Variants in CPA6 observed in about 807,000 individuals in gnomAD.
The protein encoded by CPA6 is carboxypeptidase B.
Under a neutral mutation model 63.3 loss-of-function variants are expected in CPA6, and 58 were observed. The observed-to-expected ratio is 0.92, with a 90% CI of 0.74 to 1.14. The LOEUF (loss-of-function observed/expected upper bound fraction) is 1.14, where lower values mean the gene tolerates loss of function less well. Among genes scored for constraint, CPA6 ranks in the 50% most tolerant of loss-of-function variants. The pLI, the probability that CPA6 is intolerant of heterozygous loss-of-function variation, is 0.00. For missense variants in CPA6, 565 were observed against 526.6 expected (o/e 1.07, Z -0.71); for synonymous variants, 185 against 179.0 (o/e 1.03, Z -0.27).
rs529444858 is a variant in CPA6, at chr8:67,730,422, CA to C, written c.116+15591del. ...CAACCTCGCAGTACTTCCATATGTT[CA>C]GCAACCTGGAAGCTCTCTGAATCCT... On this transcript the variant is annotated intron_variant, in intron 1 of 10. Coordinates refer to ENST00000297770, the MANE Select transcript of CPA6 (RefSeq NM_020361.5). 2.1e-3 allele frequency among the ~76,000 whole-genome samples: 326 copies of C among 152,326 alleles called. 2 individuals are homozygous for C. Among genetic ancestry groups the C allele is most frequent in the Middle Eastern group, 0.014 (4 of 294 alleles).
intron 2 of CPA6, among the ~76,000 whole-genome samples, chr8:67,592,136 T>G (rs969402215): frequency 6.6e-5 from 10 of 152,206 alleles, no homozygotes; most frequent in Non-Finnish European, 1.5e-4. Context: ...CTGCATCTAT[T>G]GAGATAATCA....
chr8:67,479,833 G>A (rs529347355), intron 8 of CPA6, among the ~76,000 whole-genome samples: 21 of 152,180 alleles, frequency 1.4e-4, no homozygotes, highest in Admixed American at 4.6e-4. Flanking sequence ...GGAACTCATC[G>A]TTTTAGAAAG....
chr8:67,551,573 T>C (rs1293041908), intron 2 of CPA6, among the ~76,000 whole-genome samples: 2 of 152,234 alleles, frequency 1.3e-5, no homozygotes, highest in Non-Finnish European at 1.5e-5. Context: ...CGTTGGCTGT[T>C]TGATAGGAAT....
At chr8:67,439,878 A>G (rs1321272226) in intron 8 of CPA6, among the ~76,000 whole-genome samples, 1 of 152,134 alleles carries the variant, frequency 6.6e-6, no homozygotes, top group East Asian at 1.9e-4. Context: ...CTTCCACCTT[A>G]GATTCCCAAA....
chr8:67,523,611 A>C (rs1193459068), intron 2 of CPA6, among the ~76,000 whole-genome samples: 1 of 152,206 alleles, frequency 6.6e-6, no homozygotes, highest in Non-Finnish European at 1.5e-5. Flanking sequence ...AATTCAAAAA[A>C]AATTCTTTGC....
intron 2 of CPA6, among the ~76,000 whole-genome samples, chr8:67,579,537 A>G (rs1373746102): frequency 6.6e-6 from 1 of 152,224 alleles, no homozygotes; most frequent in Non-Finnish European, 1.5e-5. Context: ...TACCAAACAC[A>G]TAGATTGTTC....
At chr8:67,488,081 C>T (rs1306526563) in intron 6 of CPA6, among the ~76,000 whole-genome samples, 2 of 152,178 alleles carry the variant, frequency 1.3e-5, no homozygotes, top group Admixed American at 1.3e-4. Flanking sequence ...TCTATTTTGG[C>T]TTCTGTTGCC....
intron 2 of CPA6, among the ~76,000 whole-genome samples, chr8:67,536,846 C>T (rs1208921852): frequency 1.3e-5 from 2 of 152,094 alleles, no homozygotes; most frequent in African/African-American, 2.4e-5. Context: ...ATAAATAGCT[C>T]TTATTATTTT....
intron 1 of CPA6, among the ~76,000 whole-genome samples, chr8:67,639,870 G>A (rs940889590): frequency 1.3e-5 from 2 of 151,450 alleles, no homozygotes; most frequent in Non-Finnish European, 2.9e-5. Context: ...ATAGCTCAGA[G>A]GAGACCTATA....
chr8:67,693,982 T>C (rs1816863112), intron 1 of CPA6, among the ~76,000 whole-genome samples: 1 of 152,228 alleles, frequency 6.6e-6, no homozygotes, highest in Non-Finnish European at 1.5e-5. Flanking sequence ...AAGTGAAGGA[T>C]AAGTTATTGC....
chr8:67,599,589 A>C (rs1358892737), intron 2 of CPA6, among the ~76,000 whole-genome samples: 1 of 152,214 alleles, frequency 6.6e-6, no homozygotes, highest in Non-Finnish European at 1.5e-5. Flanking sequence ...TGTTGGCCTC[A>C]CTTTACCTGA....
intron 8 of CPA6, among the ~76,000 whole-genome samples, chr8:67,482,947 G>T (rs1220413274): frequency 6.6e-6 from 1 of 152,202 alleles, no homozygotes; most frequent in Admixed American, 6.5e-5. Context: ...GATGCTAGTG[G>T]GATGGGAGGA....
intron 1 of CPA6, among the ~76,000 whole-genome samples, chr8:67,661,503 T>C (rs1333476861): frequency 6.6e-6 from 1 of 152,206 alleles, no homozygotes; most frequent in Non-Finnish European, 1.5e-5. Flanking sequence ...TCCTGTAGTT[T>C]CTGCAGCCTG....
intron 2 of CPA6, among the ~76,000 whole-genome samples, chr8:67,586,265 A>T (rs1813930900): frequency 6.6e-6 from 1 of 152,052 alleles, no homozygotes; most frequent in South Asian, 2.1e-4. Flanking sequence ...TAGCTTTAGG[A>T]GTTCTGCTGC....
intron 2 of CPA6, among the ~76,000 whole-genome samples, chr8:67,562,116 T>C (rs977235480): frequency 1.3e-5 from 2 of 152,194 alleles, no homozygotes; most frequent in Non-Finnish European, 2.9e-5. Context: ...GATGTGGTCT[T>C]CTGCAGAGAG....
chr8:67,601,505 T>C (rs573641112), intron 2 of CPA6, among the ~76,000 whole-genome samples: 66 of 152,268 alleles, frequency 4.3e-4, no homozygotes, highest in Non-Finnish European at 8.2e-4. Context: ...GGCAAAGCAA[T>C]GGTCATGGCT....
intron 2 of CPA6, among the ~76,000 whole-genome samples, chr8:67,618,626 G>GA (rs1197449741): frequency 1.3e-5 from 2 of 152,068 alleles, no homozygotes; most frequent in African/African-American, 4.8e-5. Context: ...GTTTCAGTTT[G>GA]AAAAAAATGA....
intron 1 of CPA6, among the ~76,000 whole-genome samples, chr8:67,662,440 G>A (rs555263525): frequency 1.5e-4 from 20 of 135,926 alleles, no homozygotes; most frequent in Non-Finnish European, 2.7e-4. Flanking sequence ...ACATACACAC[G>A]TATATGTATA....
intron 1 of CPA6, among the ~76,000 whole-genome samples, chr8:67,642,205 C>A (rs1467017927): frequency 6.6e-6 from 1 of 151,846 alleles, no homozygotes; most frequent in East Asian, 1.9e-4. Flanking sequence ...GTAATCCCAG[C>A]TATTTGGGAG....
Sources: gnomAD v4.1 joint callset for allele counts (sites outside exome capture counted in the v4.1 genomes callset) on GRCh38, gnomAD v4.1.1 for gene constraint, MANE v1.5 for transcripts, NCBI Gene and HGNC (gene_info 2026-07-23, HGNC 2026-07-21) for gene names.